Variants in SHOC2 observed in about 807,000 individuals in gnomAD.
SHOC2 encodes the protein SHOC2 leucine rich repeat scaffold protein.
Under a neutral mutation model 50.2 loss-of-function variants are expected in SHOC2, and 4 were observed. The ratio of observed to expected loss-of-function variants is 0.08; its 90% CI spans 0.04 to 0.18. The LOEUF (loss-of-function observed/expected upper bound fraction) is 0.18. SHOC2 is among the 10% of genes least tolerant of loss of function. The probability of loss-of-function intolerance (pLI) is 1.00; values close to 1 mark genes in which losing one functional copy is unlikely to be tolerated. For synonymous variants in SHOC2, 218 were observed against 244.5 expected (o/e 0.89, Z 1.01); for missense variants, 388 against 669.6 (o/e 0.58, Z 4.64).
At chr10:110,967,094 A>G (rs1847690166) in intron 2 of SHOC2, among the ~76,000 whole-genome samples, 2 of 152,226 alleles carry the variant, frequency 1.3e-5, no homozygotes, top group Non-Finnish European at 2.9e-5. Flanking sequence ...GTTTGAGCCC[A>G]TGAATCATAA....
chr10:110,996,305 G>T (rs907113521), intron 3 of SHOC2, among the ~76,000 whole-genome samples: 4 of 152,102 alleles, frequency 2.6e-5, no homozygotes, highest in African/African-American at 7.2e-5. Context: ...GAGGTGAGTG[G>T]ATCACTTTAG....
At chr10:110,921,273 AACTTAGACTGAGT>A (rs1353356304) in intron 1 of SHOC2, among the ~76,000 whole-genome samples, 3 of 152,220 alleles carry the variant, frequency 2.0e-5, no homozygotes, top group Non-Finnish European at 4.4e-5. Flanking sequence ...CCACATATGG[AACTTAGACTGAGT>A]ATGATAAGCC....
chr10:110,980,379 A>G (rs1018780041), intron 2 of SHOC2, among the ~76,000 whole-genome samples: 8 of 151,958 alleles, frequency 5.3e-5, no homozygotes, highest in African/African-American at 1.9e-4. Flanking sequence ...GATGGTCTCG[A>G]TCTCCTGACC....
chr10:110,959,051 A>C (rs1847523988), intron 1 of SHOC2, among the ~76,000 whole-genome samples: 1 of 152,218 alleles, frequency 6.6e-6, no homozygotes, highest in African/African-American at 2.4e-5. Context: ...TACATTTTAT[A>C]TGTTATGTAA....
At chr10:110,962,833 A>G (rs1407887703) in intron 1 of SHOC2, among the ~76,000 whole-genome samples, 3 of 152,280 alleles carry the variant, frequency 2.0e-5, no homozygotes, top group South Asian at 2.1e-4. Flanking sequence ...TTTCTCAACC[A>G]TTCTCACTGT....
chr10:110,939,692 C>T (rs1010375712), intron 1 of SHOC2, among the ~76,000 whole-genome samples: 1 of 152,090 alleles, frequency 6.6e-6, no homozygotes. Context: ...CTAGTTTCCC[C>T]CTCAGTTCTC....
At chr10:110,980,124 G>T (rs1354561746) in intron 2 of SHOC2, among the ~76,000 whole-genome samples, 1 of 149,920 alleles carries the variant, frequency 6.7e-6, no homozygotes, top group African/African-American at 2.4e-5. Flanking sequence ...ACCATCTGTA[G>T]TCTGAAAAGC....
intron 1 of SHOC2, among the ~76,000 whole-genome samples, chr10:110,949,076 A>G (rs1297084231): frequency 6.6e-6 from 1 of 152,202 alleles, no homozygotes; most frequent in Admixed American, 6.5e-5. Flanking sequence ...CCAGACATAA[A>G]GTTGTTAGAA....
chr10:110,919,517 T>C (rs1382136466), upstream of SHOC2: 1 of 134,404 alleles, frequency 7.4e-6, no homozygotes, highest in Non-Finnish European at 1.2e-5. Flanking sequence ...GGAGCGAGAG[T>C]AGTGGCGGGG....
chr10:110,956,607 A>C (rs762962362), intron 1 of SHOC2, among the ~76,000 whole-genome samples: 4 of 152,232 alleles, frequency 2.6e-5, no homozygotes, highest in Non-Finnish European at 5.9e-5. Context: ...TGTGGAATAA[A>C]AAGTTTAAGA....
At chr10:110,979,113 G>A (rs947913432) in intron 2 of SHOC2, among the ~76,000 whole-genome samples, 1 of 152,170 alleles carries the variant, frequency 6.6e-6, no homozygotes, top group African/African-American at 2.4e-5. Context: ...TGTTAGCCAG[G>A]GCTTGGGAAG....
intron 2 of SHOC2, among the ~76,000 whole-genome samples, chr10:110,968,828 T>C (rs145129694): frequency 3.7e-4 from 57 of 152,184 alleles, no homozygotes; most frequent in African/African-American, 1.3e-3. Flanking sequence ...TTTTTTAAAA[T>C]TAGGAGTTTT....
At chr10:110,985,545 T>C in intron 2 of SHOC2, 83 bp from the exon 3 acceptor site, 3 of 1,033,678 alleles carry the variant, frequency 2.9e-6, no homozygotes, top group South Asian at 1.4e-5. Flanking sequence ...TCAGAAATTA[T>C]AGATTTATTT....
At chr10:110,971,695 T>C (rs1847785605) in intron 2 of SHOC2, among the ~76,000 whole-genome samples, 1 of 152,148 alleles carries the variant, frequency 6.6e-6, no homozygotes, top group African/African-American at 2.4e-5. Context: ...TGTCTTTCCA[T>C]TTTTTGGTCC....
chr10:110,967,635 C>T (rs562025081), intron 2 of SHOC2, among the ~76,000 whole-genome samples: 1 of 152,288 alleles, frequency 6.6e-6, no homozygotes, highest in Non-Finnish European at 1.5e-5. Flanking sequence ...TTTCTCCTAA[C>T]TCATTAACCC....
At chr10:110,960,389 C>T (rs978081304) in intron 1 of SHOC2, among the ~76,000 whole-genome samples, 9 of 152,204 alleles carry the variant, frequency 5.9e-5, no homozygotes, top group Admixed American at 5.2e-4. Flanking sequence ...ATTGTAATCA[C>T]CACCGTCATA....
At chr10:111,003,311 G>T (rs1056388178) in intron 4 of SHOC2, among the ~76,000 whole-genome samples, 7 of 152,124 alleles carry the variant, frequency 4.6e-5, no homozygotes, top group African/African-American at 9.7e-5. Flanking sequence ...CTCCCTGCTT[G>T]TGCTTTTACT....
intron 1 of SHOC2, among the ~76,000 whole-genome samples, chr10:110,945,773 G>A (rs1026110931): frequency 6.6e-6 from 1 of 152,226 alleles, no homozygotes; most frequent in Middle Eastern, 3.4e-3. Context: ...TGTTCATGTT[G>A]CGCAGCCTCC....
At chr10:110,948,051 G>A (rs1324389230) in intron 1 of SHOC2, among the ~76,000 whole-genome samples, 1 of 152,114 alleles carries the variant, frequency 6.6e-6, no homozygotes, top group African/African-American at 2.4e-5. Context: ...CACGCAAATG[G>A]TAACCAGAAG....
Sources: allele counts gnomAD v4.1 joint callset (sites outside exome capture counted in the v4.1 genomes callset), GRCh38; gene constraint gnomAD v4.1.1; transcripts MANE v1.5; gene names NCBI Gene and HGNC (gene_info 2026-07-23, HGNC 2026-07-21).